Variants in IGF1R observed in about 807,000 individuals in gnomAD.
IGF1R encodes the protein insulin like growth factor 1 receptor.
IGF1R carries 44 observed loss-of-function variants against 144.6 expected under a neutral mutation model. The observed-to-expected ratio is 0.30, with a 90% CI of 0.24 to 0.39. IGF1R has a LOEUF of 0.39. Among genes scored for constraint, IGF1R ranks in the 10% least tolerant of loss-of-function variants. IGF1R has a pLI of 1.00. For missense variants in IGF1R, 1,355 were observed against 1,833.7 expected, an observed-to-expected ratio of 0.74 and a Z score of 4.77; for synonymous variants, 795 against 722.8, an observed-to-expected ratio of 1.10 and a Z score of -1.60.
chr15:98,896,725 G>A (rs1403412871), intron 3 of IGF1R, 32 bp from the exon 4 acceptor site: 3 of 1,607,700 alleles, frequency 1.9e-6, no homozygotes, highest in Non-Finnish European at 1.7e-6. Context: ...TCAATTATGT[G>A]TGTTTTTGAT....
chr15:98,938,525 TGCTTATCCCTGTTACTTA>T (rs2016243737), intron 17 of IGF1R, among the ~76,000 whole-genome samples: 2 of 152,240 alleles, frequency 1.3e-5, no homozygotes, highest in African/African-American at 4.8e-5. Flanking sequence ...CAAAGAGGAA[TGCTTATCCCTGTTACTTA>T]TTCCTGGTTT....
intron 1 of IGF1R, among the ~76,000 whole-genome samples, chr15:98,698,164 G>A (rs1221595306): frequency 6.6e-6 from 1 of 150,828 alleles, no homozygotes; most frequent in African/African-American, 2.4e-5. Flanking sequence ...TCAGCCTCCC[G>A]AGTACCTGGG....
At chr15:98,849,889 A>G (rs2011471805) in intron 2 of IGF1R, among the ~76,000 whole-genome samples, 1 of 152,236 alleles carries the variant, frequency 6.6e-6, no homozygotes, top group Non-Finnish European at 1.5e-5. Flanking sequence ...ATTGGAAAAA[A>G]TCCAAAATAT....
At chr15:98,765,308 C>CTTTTTTTTTTTT (rs139280569) in intron 2 of IGF1R, among the ~76,000 whole-genome samples, 7 of 61,824 alleles carry the variant, frequency 1.1e-4, no homozygotes, top group African/African-American at 4.7e-4. Flanking sequence ...ATGCCAACAC[C>CTTTTTTTTTTTT]TTTTTTTTTT....
chr15:98,681,291 A>G (rs888593458), intron 1 of IGF1R, among the ~76,000 whole-genome samples: 13 of 152,132 alleles, frequency 8.5e-5, no homozygotes, highest in African/African-American at 3.1e-4. Context: ...TCGCATGTCT[A>G]CCTGGCGCAT....
At chr15:98,915,765 A>C (rs892590563) in intron 8 of IGF1R, among the ~76,000 whole-genome samples, 199 bp from the exon 9 acceptor site, 1 of 152,268 alleles carries the variant, frequency 6.6e-6, no homozygotes, top group Non-Finnish European at 1.5e-5. Flanking sequence ...CGGAGGAAAT[A>C]GATTATAAAG....
chr15:98,939,366 T>A lies in IGF1R; in HGVS notation c.3457+6T>A. The A allele has an allele frequency of 6.2e-7, 1 of 1,614,020 alleles. No individual in the cohort carries two copies. The highest frequency in any genetic ancestry group is 8.5e-7 in the Non-Finnish European group (1 of 1,179,926). On this transcript the variant is annotated splice_donor_region_variant and intron_variant, in intron 18 of 20. Coordinates refer to ENST00000650285, the MANE Select transcript of IGF1R (RefSeq NM_000875.5). The stretch of plus-strand genomic sequence containing the variant: ...TTTCACAGTCAAAATCGGAGGTGTG[T>A]CCTTAGCTTTCCAGGTCTGGGCAAG...
chr15:98,961,718 A>C lies in IGF1R; in HGVS notation c.*4276A>C, dbSNP rs996404469. On this transcript the variant is annotated 3_prime_UTR_variant, in exon 21 of 21. Transcript: ENST00000650285. Reference sequence around the variant, plus strand: ...CCTGAGGCAGCAGGAGCTGGTGTGTACTGGAGACACTGTTGAACTTGATCA... The same window carrying C: ...CCTGAGGCAGCAGGAGCTGGTGTGTCCTGGAGACACTGTTGAACTTGATCA... 2.1e-5 allele frequency: 5 copies of C among 233,518 alleles called. No individual in the cohort carries two copies. The highest frequency in any genetic ancestry group is 1.8e-4 in the South Asian group (1 of 5,530). 14.5% of individuals were successfully genotyped at this position (233,518 alleles called of 1,614,324 possible). A position where few individuals can be genotyped will look rare whatever the true frequency, so the allele number is the denominator to read the frequency against.
chr15:98,795,599 G>A (rs900098914), intron 2 of IGF1R, among the ~76,000 whole-genome samples: 1 of 152,108 alleles, frequency 6.6e-6, no homozygotes, highest in African/African-American at 2.4e-5. Flanking sequence ...TGTATTTTTA[G>A]TAGAGACAGG....
chr15:98,812,340 G>A (rs2056609171), intron 2 of IGF1R, among the ~76,000 whole-genome samples: 3 of 150,178 alleles, frequency 2.0e-5, no homozygotes, highest in Non-Finnish European at 4.4e-5. Flanking sequence ...TTTTTACATT[G>A]TTGTTGTTCT....
chr15:98,835,107 A>ACACCTACACCCACACACACC (rs2057073827), intron 2 of IGF1R, among the ~76,000 whole-genome samples: 11 of 134,282 alleles, frequency 8.2e-5, no homozygotes, highest in African/African-American at 3.4e-4. Context: ...ACACACACAC[A>ACACCTACACCCACACACACC]CACCCCTACA....
At chr15:98,882,606 A>G (rs1245751479) in intron 2 of IGF1R, among the ~76,000 whole-genome samples, 2 of 152,212 alleles carry the variant, frequency 1.3e-5, no homozygotes, top group Non-Finnish European at 1.5e-5. Flanking sequence ...TTTGCATGCC[A>G]TAAAGCAGTC....
At chr15:98,954,492 T>G (rs1362637265) in intron 20 of IGF1R, 1 of 152,036 alleles carries the variant, frequency 6.6e-6, no homozygotes, top group African/African-American at 2.4e-5. Context: ...TGTGTGGAAA[T>G]AGTAAACAAG....
intron 2 of IGF1R, among the ~76,000 whole-genome samples, chr15:98,798,568 A>G (rs76022031): frequency 0.024 from 3,592 of 152,178 alleles, 64 homozygotes; most frequent in Non-Finnish European, 0.031. Context: ...GAGAAGATGA[A>G]CCTTAGACCA....
intron 2 of IGF1R, among the ~76,000 whole-genome samples, chr15:98,729,555 C>G (rs1319056424): frequency 3.2e-5 from 4 of 124,370 alleles, no homozygotes; most frequent in African/African-American, 5.7e-5. Context: ...AAGAAAAACC[C>G]TAATGTGCTT....
chr15:98,786,043 C>CTTT (rs1376225945), intron 2 of IGF1R, among the ~76,000 whole-genome samples: 1 of 152,202 alleles, frequency 6.6e-6, no homozygotes, highest in Non-Finnish European at 1.5e-5. Context: ...CTCACCCTCC[C>CTTT]TTTTAGGGCT....
chr15:98,953,895 T>G (rs2016875244), intron 20 of IGF1R, among the ~76,000 whole-genome samples: 1 of 152,198 alleles, frequency 6.6e-6, no homozygotes, highest in African/African-American at 2.4e-5. Flanking sequence ...AGGGCGCTCC[T>G]GCTCAGTTAG....
chr15:98,860,019 A>C (rs1048321941), intron 2 of IGF1R, among the ~76,000 whole-genome samples: 5 of 152,108 alleles, frequency 3.3e-5, no homozygotes, highest in African/African-American at 1.2e-4. Context: ...GGGTTCAAGC[A>C]ATTCTCCTGC....
At chr15:98,701,683 C>A (rs2053738043) in intron 1 of IGF1R, among the ~76,000 whole-genome samples, 1 of 152,104 alleles carries the variant, frequency 6.6e-6, no homozygotes, top group African/African-American at 2.4e-5. Flanking sequence ...AGTAGTTACC[C>A]ATTTTAACTA....
Sources: gnomAD v4.1 joint callset for allele counts (sites outside exome capture counted in the v4.1 genomes callset) on GRCh38, gnomAD v4.1.1 for gene constraint, MANE v1.5 for transcripts, NCBI Gene and HGNC (gene_info 2026-07-23, HGNC 2026-07-21) for gene names.